The following PXDN variants were observed in gnomAD, a reference collection of about 807,000 sequenced individuals.
PXDN encodes peroxidasin homolog.
Under a neutral mutation model 140.3 loss-of-function variants are expected in PXDN, and 77 were observed. The observed-to-expected ratio is 0.55, with a 90% CI of 0.46 to 0.66. PXDN has a LOEUF of 0.66. Among genes scored for constraint, PXDN ranks in the 30% least tolerant of loss-of-function variants. The pLI, the probability that PXDN is intolerant of heterozygous loss-of-function variation, is 0.00. For synonymous variants in PXDN, 911 were observed against 857.4 expected, an observed-to-expected ratio of 1.06 and a Z score of -1.09; for missense variants, 1,838 against 2,039.5, an observed-to-expected ratio of 0.90 and a Z score of 1.90.
At chr2:1,742,807 A>G (rs1482534953) in intron 1 of PXDN, among the ~76,000 whole-genome samples, 2 of 152,214 alleles carry the variant, frequency 1.3e-5, no homozygotes, top group Middle Eastern at 3.4e-3. Flanking sequence ...GGAGGAGAGG[A>G]ACTCGGGCCC....
At chr2:1,680,116 T>TGG (rs1683854749) in intron 7 of PXDN, 77 bp downstream of exon 7, 24 of 1,446,588 alleles carry the variant, frequency 1.7e-5, no homozygotes, top group Non-Finnish European at 2.1e-5. Context: ...GTTGTGTGTG[T>TGG]AGATGGTGTG....
intron 4 of PXDN, 70 bp from the exon 5 acceptor site, chr2:1,684,221 T>G: frequency 7.4e-7 from 1 of 1,350,490 alleles, no homozygotes; most frequent in South Asian, 1.3e-5. Flanking sequence ...TTTGCCCAAA[T>G]TTTTTTCCTA....
chr2:1,662,189 A>G lies in PXDN; in HGVS notation c.1568-5T>C. On this transcript the variant is annotated splice_polypyrimidine_tract_variant and splice_region_variant and intron_variant, in intron 12 of 22. Coordinates refer to ENST00000252804, the MANE Select transcript of PXDN (RefSeq NM_012293.3). ...TGCTGGCAAACACTGGGGTGACTGG[A>G]AGGCAGATGTAGAGAATCCAGGAGA... 1 of 1,577,430 alleles carries G rather than the reference A, an allele frequency of 6.3e-7. No homozygotes were observed. The highest frequency in any genetic ancestry group is 1.3e-5 in the African/African-American group (1 of 74,448).
chr2:1,653,491 A>G, intron 16 of PXDN, 137 bp downstream of exon 16: 17 of 1,272,204 alleles, frequency 1.3e-5, no homozygotes, highest in Non-Finnish European at 1.9e-5. Flanking sequence ...TCACAGTTTA[A>G]GGAAATAATT....
chr2:1,674,961 C>T (rs891857163), intron 8 of PXDN, among the ~76,000 whole-genome samples: 5 of 152,168 alleles, frequency 3.3e-5, no homozygotes, highest in Non-Finnish European at 7.3e-5. Context: ...TCCCCATGAC[C>T]GCCCTCAGAA....
chr2:1,678,479 G>T (rs770968468), intron 7 of PXDN, among the ~76,000 whole-genome samples: 2 of 152,192 alleles, frequency 1.3e-5, no homozygotes, highest in Non-Finnish European at 2.9e-5. Flanking sequence ...TAAAAAACAA[G>T]AATAATCACT....
intron 19 of PXDN, among the ~76,000 whole-genome samples, chr2:1,642,502 C>T (rs190005847): frequency 1.3e-3 from 203 of 152,234 alleles, no homozygotes; most frequent in Admixed American, 2.7e-3. Context: ...GGGATCTGGC[C>T]CCACCTCCCG....
At chr2:1,656,096 AAC>A (rs370417879) in intron 14 of PXDN, among the ~76,000 whole-genome samples, 3 of 151,206 alleles carry the variant, frequency 2.0e-5, no homozygotes, top group Non-Finnish European at 3.0e-5. Flanking sequence ...CACACCACAC[AAC>A]ACACACAAAC....
intron 1 of PXDN, among the ~76,000 whole-genome samples, chr2:1,699,530 G>A (rs1490819643): frequency 1.3e-5 from 2 of 152,134 alleles, no homozygotes; most frequent in East Asian, 3.9e-4. Context: ...CCAACATGGT[G>A]AAACCCCGTT....
intron 1 of PXDN, among the ~76,000 whole-genome samples, chr2:1,731,176 ACAC>A (rs1685306431): frequency 6.6e-6 from 1 of 151,922 alleles, no homozygotes; most frequent in Non-Finnish European, 1.5e-5. Flanking sequence ...ACACACACAC[ACAC>A]ATGAACTAGT....
chr2:1,645,509 C>T (rs1348863039), intron 17 of PXDN, among the ~76,000 whole-genome samples: 1 of 152,182 alleles, frequency 6.6e-6, no homozygotes, highest in East Asian at 1.9e-4. Flanking sequence ...TCAGTGACCA[C>T]CAACTGAACC....
At chr2:1,702,690 G>A (rs921199436) in intron 1 of PXDN, among the ~76,000 whole-genome samples, 23 of 151,796 alleles carry the variant, frequency 1.5e-4, no homozygotes, top group African/African-American at 5.1e-4. Flanking sequence ...GTGCACTGGC[G>A]TGATCTCGGT....
At chr2:1,675,585 G>T (rs150799157) in intron 8 of PXDN, among the ~76,000 whole-genome samples, 39 of 152,248 alleles carry the variant, frequency 2.6e-4, no homozygotes, top group African/African-American at 9.4e-4. Context: ...TCAGTCATGA[G>T]GATAACAAAA....
Position 1,648,068 on chromosome 2 carries a change from C to A in PXDN, c.3608+104G>T, listed in dbSNP as rs544217439. 4.1e-4 allele frequency: 593 copies of A among 1,449,654 alleles called. 1 individual carries two copies. The highest frequency in any genetic ancestry group is 1.8e-4 in the Middle Eastern group (1 of 5,496). 89.8% of individuals were successfully genotyped at this position (1,449,654 alleles called of 1,614,324 possible). A position where few individuals can be genotyped will look rare whatever the true frequency, so the allele number is the denominator to read the frequency against. On this transcript the variant is annotated intron_variant, in intron 17 of 22. Coordinates refer to ENST00000252804, the MANE Select transcript of PXDN (RefSeq NM_012293.3). The surrounding 1 kb of genome is among the most constrained non-coding windows in gnomAD (Gnocchi z 8.9). ...TGACCTTCATCTCACCTCTGCACGA[C>A]ACGAACAAAACTCACACACAGAGAC... is the stretch of plus-strand genomic sequence containing the variant.
chr2:1,711,166 C>T (rs113013882), intron 1 of PXDN, among the ~76,000 whole-genome samples: 3 of 64,232 alleles, frequency 4.7e-5, no homozygotes, highest in African/African-American at 7.3e-5. Flanking sequence ...GCTCCACCAG[C>T]ACCCACTCTC....
At chr2:1,734,019 T>C (rs1043759621) in intron 1 of PXDN, among the ~76,000 whole-genome samples, 2 of 152,180 alleles carry the variant, frequency 1.3e-5, no homozygotes, top group Non-Finnish European at 2.9e-5. Flanking sequence ...TCTAAAAAGA[T>C]AACTGACAGC....
chr2:1,693,148 A>T lies in PXDN; in HGVS notation c.201-14T>A. 1 of 1,538,076 alleles carries T rather than the reference A, an allele frequency of 6.5e-7. No homozygotes were observed. The highest frequency in any genetic ancestry group is 8.8e-7 in the Non-Finnish European group (1 of 1,137,384). ...AAGCGAAGATCTCTGTGAAGAAACA[A>T]GAAAGGTATTATTACGTGAAAAAAA... On this transcript the variant is annotated splice_polypyrimidine_tract_variant and intron_variant, in intron 1 of 22. Transcript: ENST00000252804.
chr2:1,702,045 G>A (rs1199366956), intron 1 of PXDN, among the ~76,000 whole-genome samples: 1 of 152,162 alleles, frequency 6.6e-6, no homozygotes, highest in Non-Finnish European at 1.5e-5. Context: ...CGCCTGAACG[G>A]AGTAAGACAT....
intron 9 of PXDN, among the ~76,000 whole-genome samples, chr2:1,671,683 T>C (rs1020119948): frequency 4.6e-5 from 7 of 152,078 alleles, no homozygotes; most frequent in African/African-American, 1.7e-4. Flanking sequence ...CTGGGTGCGA[T>C]ATGCCCCTTT....
Sources: gnomAD v4.1 joint callset for allele counts (sites outside exome capture counted in the v4.1 genomes callset) on GRCh38, gnomAD v4.1.1 for gene constraint, Gnocchi (gnomAD v3.1) non-coding constraint, MANE v1.5 for transcripts, NCBI Gene and HGNC (gene_info 2026-07-23, HGNC 2026-07-21) for gene names.